The following TRAF6 variants were observed in gnomAD, a reference collection of about 807,000 sequenced individuals.
TRAF6 encodes TNF receptor associated factor 6.
Under a neutral mutation model 48.4 loss-of-function variants are expected in TRAF6, and 10 were observed. The observed-to-expected ratio is 0.21, with a 90% CI of 0.13 to 0.35. The LOEUF is 0.35. TRAF6 is among the 10% of genes least tolerant of loss of function. The pLI is 1.00. For synonymous variants in TRAF6, 186 were observed against 219.6 expected, an observed-to-expected ratio of 0.85 and a Z score of 1.35; for missense variants, 397 against 661.0, an observed-to-expected ratio of 0.60 and a Z score of 4.38.
chr11:36,487,527 G>C lies in TRAF6; in HGVS notation c.*2311C>G, dbSNP rs1043586982. Reference sequence around the variant, plus strand: ...GACACTAAATTAGAGGAAAGTATCAGTGTCAGCAAAGAGTAAGTTAAAGAC... The same window carrying C: ...GACACTAAATTAGAGGAAAGTATCACTGTCAGCAAAGAGTAAGTTAAAGAC... On this transcript the variant is annotated 3_prime_UTR_variant, in exon 7 of 7. Coordinates refer to ENST00000526995, the MANE Select transcript of TRAF6 (RefSeq NM_004620.4). The C allele has an allele frequency of 1.3e-5, 2 of 152,186 alleles. No individual in the cohort carries two copies. The highest frequency in any genetic ancestry group is 4.8e-5 in the African/African-American group (2 of 41,444). The allele number at this position is 152,186 out of a possible 1,614,324, so 9.4% of individuals were successfully genotyped here. A position where few individuals can be genotyped will look rare whatever the true frequency, so the allele number is the denominator to read the frequency against.
chr11:36,497,222 T>C lies in TRAF6; in HGVS notation c.492A>G (p.Gln164=), dbSNP rs367735194. Residue 164 remains glutamine, a synonymous_variant, in exon 4 of 7, where the codon CAA becomes CAG. Coordinates refer to ENST00000526995, the MANE Select transcript of TRAF6 (RefSeq NM_004620.4). ...GGAATTTTTGGAAGGGACGCTGGCATTGGGGACAATCCATAAGAGCAAACT... is the reference window on the plus strand; with the variant it reads ...GGAATTTTTGGAAGGGACGCTGGCACTGGGGACAATCCATAAGAGCAAACT... ...HCEFALMDCP[Q]CQRPFQKFHI... 31 of 1,613,778 alleles carry C rather than the reference T, an allele frequency of 1.9e-5. No homozygotes were observed. In the Admixed American group the frequency reaches 2.7e-4, roughly 14 times the overall value.
intron 6 of TRAF6, among the ~76,000 whole-genome samples, chr11:36,491,579 A>T (rs1191305469): frequency 6.6e-6 from 1 of 152,252 alleles, no homozygotes; most frequent in African/African-American, 2.4e-5. Flanking sequence ...AGAAAGACAT[A>T]TCATAAACAA....
rs939761714 is a variant in TRAF6, at chr11:36,487,397, G to T, written c.*2441C>A. The T allele has an allele frequency of 7.2e-5, 11 of 152,196 alleles. No individual in the cohort carries two copies. Among genetic ancestry groups the T allele is most frequent in the Admixed American group, 6.5e-4 (10 of 15,280 alleles). The allele number at this position is 152,196 out of a possible 1,614,324, so 9.4% of individuals were successfully genotyped here. A position where few individuals can be genotyped will look rare whatever the true frequency, so the allele number is the denominator to read the frequency against. The stretch of plus-strand genomic sequence containing the variant: ...GACAGCTTGACTATTCTACTTTGTA[G>T]TCAAGATGAATGACCAGCATAAAAT... On this transcript the variant is annotated 3_prime_UTR_variant, in exon 7 of 7. Coordinates refer to ENST00000526995, the MANE Select transcript of TRAF6 (RefSeq NM_004620.4).
At chr11:36,500,378 A>C (rs757365990) in intron 2 of TRAF6, among the ~76,000 whole-genome samples, 2 of 152,234 alleles carry the variant, frequency 1.3e-5, no homozygotes, top group African/African-American at 2.4e-5. Flanking sequence ...GCCACCACTC[A>C]CCAAGGCAGG....
chr11:36,483,794 T>C lies in TRAF6; in HGVS notation c.*6044A>G, dbSNP rs1239345708. 6.6e-6 allele frequency among the ~76,000 whole-genome samples: 1 copy of C among 152,196 alleles called. No individual in the cohort carries two copies. Among genetic ancestry groups the C allele is most frequent in the Non-Finnish European group, 1.5e-5 (1 of 68,044 alleles). On this transcript the variant is annotated 3_prime_UTR_variant, in exon 7 of 7. Coordinates refer to ENST00000526995, the MANE Select transcript of TRAF6 (RefSeq NM_004620.4). ...TTTTAATATATATATTTCATTTTAA[T>C]GAAGAGTGCTTTCTTGTAGACATTG... is the stretch of plus-strand genomic sequence containing the variant.
intron 1 of TRAF6, 26 bp from the exon 2 acceptor site, chr11:36,501,563 C>A: frequency 6.6e-7 from 1 of 1,514,778 alleles, no homozygotes; most frequent in Non-Finnish European, 8.9e-7. Flanking sequence ...GAAAAAAATG[C>A]CTTTATAAGT....
At chr11:36,508,428 C>T in intron 1 of TRAF6, among the ~76,000 whole-genome samples, 1 of 151,756 alleles carries the variant, frequency 6.6e-6, no homozygotes, top group East Asian at 1.9e-4. Context: ...TCTGGGTGTA[C>T]ATTATAATCA....
Position 36,484,898 on chromosome 11 carries a change from A to C in TRAF6, c.*4940T>G, listed in dbSNP as rs150858599. Among the ~76,000 whole-genome samples, 25 of 152,374 alleles carry C rather than the reference A, an allele frequency of 1.6e-4. No individual in the cohort carries two copies. The East Asian group carries it at 4.8e-3, about 29-fold the overall frequency. On this transcript the variant is annotated 3_prime_UTR_variant, in exon 7 of 7. Coordinates refer to ENST00000526995, the MANE Select transcript of TRAF6 (RefSeq NM_004620.4). ...AATACCCCTTCAGGCAAAATAAATA[A>C]GACTGAAATTCAGCATAACAAATTT...
At position 36,500,358 on chromosome 11, in the gene TRAF6, A is replaced by G. The variant is rs544449022; in HGVS notation, c.296+862T>C. Reference sequence around the variant, plus strand: ...GCTGTGGCAAGAGTGTTACAAACAGAAGAGCTAAAGCCACCACTCACCAAG... The same window carrying G: ...GCTGTGGCAAGAGTGTTACAAACAGGAGAGCTAAAGCCACCACTCACCAAG... On this transcript the variant is annotated intron_variant, in intron 2 of 6. Transcript: ENST00000526995. 3.9e-5 allele frequency among the ~76,000 whole-genome samples: 6 copies of G among 152,314 alleles called. No individual in the cohort carries two copies. In the East Asian group the frequency reaches 1.2e-3, roughly 29 times the overall value.
intron 1 of TRAF6, among the ~76,000 whole-genome samples, chr11:36,508,081 T>C (rs1471416701): frequency 6.6e-6 from 1 of 151,818 alleles, no homozygotes; most frequent in African/African-American, 2.4e-5. Context: ...GGTCTCAAGC[T>C]ATCCTCCCAC....
intron 1 of TRAF6, 135 bp from the exon 2 acceptor site, chr11:36,501,672 A>G: frequency 1.6e-6 from 1 of 629,220 alleles, no homozygotes; most frequent in Admixed American, 3.7e-5. Context: ...TATTTACAGA[A>G]AACTTTTAAA....
At chr11:36,499,233 T>C (rs890875557) in intron 2 of TRAF6, among the ~76,000 whole-genome samples, 3 of 152,190 alleles carry the variant, frequency 2.0e-5, no homozygotes, top group African/African-American at 7.2e-5. Flanking sequence ...CTCTATGTCC[T>C]GCTTCTCAGT....
chr11:36,492,964 C>T (rs372934651), intron 5 of TRAF6, among the ~76,000 whole-genome samples: 4 of 152,176 alleles, frequency 2.6e-5, no homozygotes, highest in African/African-American at 9.7e-5. Flanking sequence ...TGGATTAAGA[C>T]TCCCACTATG....
intron 1 of TRAF6, among the ~76,000 whole-genome samples, chr11:36,502,454 C>T (rs1203122595): frequency 2.0e-5 from 3 of 152,046 alleles, no homozygotes; most frequent in Non-Finnish European, 4.4e-5. Flanking sequence ...GTAACCACAA[C>T]TGTATTTTAA....
At position 36,486,011 on chromosome 11, in the gene TRAF6, C is replaced by A. The variant is rs749150797; in HGVS notation, c.*3827G>T. Among the ~76,000 whole-genome samples the A allele has an allele frequency of 3.3e-5, 5 of 152,074 alleles. No individual in the cohort carries two copies. The highest frequency in any genetic ancestry group is 7.4e-5 in the Non-Finnish European group (5 of 68,020). The stretch of plus-strand genomic sequence containing the variant: ...GGCATTGCACTGTTTAGGTTGTAAG[C>A]AACTAGGCATCACAAACAGAATCTG... On this transcript the variant is annotated 3_prime_UTR_variant, in exon 7 of 7. Coordinates refer to ENST00000526995, the MANE Select transcript of TRAF6 (RefSeq NM_004620.4).
rs751524767 is a variant in TRAF6, at chr11:36,498,685, T to C, written c.297-45A>G. ...CACAATTAGATTTAAAGACTCACAT[T>C]AGAAAATCCAAACAACTTTAATTCA... On this transcript the variant is annotated intron_variant, in intron 2 of 6. Coordinates refer to ENST00000526995, the MANE Select transcript of TRAF6 (RefSeq NM_004620.4). 7.8e-6 allele frequency: 12 copies of C among 1,542,198 alleles called. No individual in the cohort carries two copies. In the African/African-American group the frequency reaches 1.7e-4, roughly 22 times the overall value.
intron 1 of TRAF6, among the ~76,000 whole-genome samples, chr11:36,507,971 TCA>T (rs1859829987): frequency 6.6e-6 from 1 of 151,292 alleles, no homozygotes; most frequent in African/African-American, 2.4e-5. Flanking sequence ...TCCTCCCACC[TCA>T]GTCTCCCAAG....
At chr11:36,502,457 T>C (rs1257713861) in intron 1 of TRAF6, among the ~76,000 whole-genome samples, 2 of 152,104 alleles carry the variant, frequency 1.3e-5, no homozygotes, top group African/African-American at 4.8e-5. Flanking sequence ...ACCACAACTG[T>C]ATTTTAAATA....
Position 36,490,583 on chromosome 11 carries a change from T to C in TRAF6, c.824A>G (p.Gln275Arg). 1 of 1,614,156 alleles carries C rather than the reference T, an allele frequency of 6.2e-7. No individual in the cohort carries two copies. The highest frequency in any genetic ancestry group is 2.2e-5 in the East Asian group (1 of 44,866). The change falls in exon 7 of 7, where the codon CAG (glutamine) becomes CGG (arginine). Residue 275 changes from glutamine to arginine, a missense_variant. By Grantham distance (43) the Gln-to-Arg change is conservative. Coordinates refer to ENST00000526995, the MANE Select transcript of TRAF6 (RefSeq NM_004620.4). The surrounding 1 kb of genome is among the most constrained non-coding windows in gnomAD (Gnocchi z 6.4). ...NTQSHMRMLA[Q>R]AVHSLSVIPD... ...TATAACGCTCAAACTATGAACAGCC[T>C]GGGCCAACATTCTCATGTGTGACTG... is the stretch of plus-strand genomic sequence containing the variant.
Sources: gnomAD v4.1 joint callset for allele counts (sites outside exome capture counted in the v4.1 genomes callset) on GRCh38, gnomAD v4.1.1 for gene constraint, Gnocchi (gnomAD v3.1) non-coding constraint, MANE v1.5 for transcripts, NCBI Gene and HGNC (gene_info 2026-07-23, HGNC 2026-07-21) for gene names.